Variants in GPR158 observed in about 807,000 individuals in gnomAD.
GPR158 encodes the protein G protein-coupled receptor 158.
Under a neutral mutation model 78.2 loss-of-function variants are expected in GPR158, and 30 were observed. The ratio of observed to expected loss-of-function variants is 0.38; its 90% CI spans 0.29 to 0.52. The LOEUF (loss-of-function observed/expected upper bound fraction) is 0.52, where lower values mean the gene tolerates loss of function less well. Ranked by LOEUF, GPR158 falls within the 20% of genes least tolerant of loss-of-function variation. The pLI, the probability that GPR158 is intolerant of heterozygous loss-of-function variation, is 0.83. For synonymous variants in GPR158, 581 were observed against 591.1 expected (o/e 0.98, Z 0.25); for missense variants, 1,463 against 1,523.5 (o/e 0.96, Z 0.66).
intron 2 of GPR158, among the ~76,000 whole-genome samples, chr10:25,277,113 C>G (rs1044026069): frequency 6.6e-6 from 1 of 151,866 alleles, no homozygotes; most frequent in South Asian, 2.1e-4. Flanking sequence ...CCATGCCTAT[C>G]CAATTTAAAA....
chr10:25,249,815 T>C (rs554090469), intron 2 of GPR158, among the ~76,000 whole-genome samples: 16 of 151,822 alleles, frequency 1.1e-4, no homozygotes, highest in African/African-American at 3.4e-4. Flanking sequence ...ATCAGAATGA[T>C]GCTGGCCTCA....
At chr10:25,356,759 G>T (rs1855560560) in intron 2 of GPR158, among the ~76,000 whole-genome samples, 1 of 151,982 alleles carries the variant, frequency 6.6e-6, no homozygotes, top group South Asian at 2.1e-4. Context: ...CCAGTCTCTG[G>T]TACATCTTAA....
Position 25,455,486 on chromosome 10 carries a change from T to G in GPR158, c.1336-11165T>G, listed in dbSNP as rs117055632. 3.8e-3 allele frequency among the ~76,000 whole-genome samples: 586 copies of G among 152,302 alleles called. 2 individuals are homozygous for G. The highest frequency in any genetic ancestry group is 7.2e-3 in the Non-Finnish European group (490 of 67,996). Reference sequence around the variant, plus strand: ...TCTGTATGTATTTAATTATTTCTCTTCTGTCTTTCGTGTCTTTCTGAGTTG... The same window carrying G: ...TCTGTATGTATTTAATTATTTCTCTGCTGTCTTTCGTGTCTTTCTGAGTTG... On this transcript the variant is annotated intron_variant, in intron 4 of 10. Coordinates refer to ENST00000376351, the MANE Select transcript of GPR158 (RefSeq NM_020752.3).
At chr10:25,539,805 T>G (rs897014878) in intron 5 of GPR158, among the ~76,000 whole-genome samples, 1 of 152,172 alleles carries the variant, frequency 6.6e-6, no homozygotes, top group African/African-American at 2.4e-5. Flanking sequence ...TAAAGCTGCA[T>G]TAGGTACTTT....
intron 2 of GPR158, among the ~76,000 whole-genome samples, chr10:25,312,949 A>C (rs765169537): frequency 2.6e-5 from 4 of 152,106 alleles, no homozygotes; most frequent in Non-Finnish European, 4.4e-5. Flanking sequence ...TAGAAAAAGC[A>C]ATAATATCAT....
At chr10:25,195,038 A>T (rs1016901155) in intron 1 of GPR158, among the ~76,000 whole-genome samples, 68 of 152,126 alleles carry the variant, frequency 4.5e-4, no homozygotes, top group African/African-American at 1.6e-3. Context: ...CAAATTTCAA[A>T]GTCCAGATCT....
chr10:25,553,681 A>G (rs1475739743), intron 6 of GPR158, among the ~76,000 whole-genome samples: 1 of 152,088 alleles, frequency 6.6e-6, no homozygotes, highest in Non-Finnish European at 1.5e-5. Context: ...TAGTGAATGG[A>G]GCTGCAAAGG....
chr10:25,342,775 C>A (rs1588811128), intron 2 of GPR158, among the ~76,000 whole-genome samples: 1 of 138,304 alleles, frequency 7.2e-6, no homozygotes, highest in Non-Finnish European at 1.6e-5. Context: ...GGACTAAGTT[C>A]TTTTTTTTTT....
At chr10:25,315,138 T>C (rs1854830359) in intron 2 of GPR158, among the ~76,000 whole-genome samples, 1 of 152,044 alleles carries the variant, frequency 6.6e-6, no homozygotes, top group South Asian at 2.1e-4. Context: ...TATATATCCA[T>C]AATTTGAAGC....
chr10:25,361,883 TTTTCATATATATGA>T (rs1320836594), intron 2 of GPR158, among the ~76,000 whole-genome samples: 1 of 151,966 alleles, frequency 6.6e-6, no homozygotes, highest in African/African-American at 2.4e-5. Flanking sequence ...TATTAACCCT[TTTTCATATATATGA>T]TTTGCAAATA....
chr10:25,459,017 C>A (rs1185587588), intron 4 of GPR158, among the ~76,000 whole-genome samples: 2 of 152,158 alleles, frequency 1.3e-5, no homozygotes, highest in Non-Finnish European at 2.9e-5. Context: ...TAACTACATG[C>A]AGTCTTTCAA....
intron 2 of GPR158, among the ~76,000 whole-genome samples, chr10:25,361,346 T>G (rs1590834): frequency 0.2 from 29,989 of 151,846 alleles, 3,880 homozygotes; most frequent in African/African-American, 0.37. Flanking sequence ...TTGATGGGTG[T>G]TTGGGTTACT....
At chr10:25,374,788 A>T (rs1327010994) in intron 2 of GPR158, among the ~76,000 whole-genome samples, 1 of 151,736 alleles carries the variant, frequency 6.6e-6, no homozygotes. Flanking sequence ...TGTTGGTTTA[A>T]CCTTTATTCA....
At chr10:25,513,102 A>C (rs75801820) in intron 5 of GPR158, among the ~76,000 whole-genome samples, 5,203 of 151,742 alleles carry the variant, frequency 0.034, 303 homozygotes, top group African/African-American at 0.12. Flanking sequence ...TGTCAATAGG[A>C]TCAATTGGTA....
intron 1 of GPR158, among the ~76,000 whole-genome samples, chr10:25,187,423 G>A (rs1370512916): frequency 6.6e-6 from 1 of 152,122 alleles, no homozygotes; most frequent in African/African-American, 2.4e-5. Context: ...ACATCAAAAA[G>A]CTTATCCACC....
intron 3 of GPR158, among the ~76,000 whole-genome samples, chr10:25,402,530 T>C (rs999159635): frequency 3.3e-5 from 5 of 152,076 alleles, no homozygotes; most frequent in Non-Finnish European, 5.9e-5. Flanking sequence ...ACATGCTAGC[T>C]GAAGTGTCTA....
intron 3 of GPR158, among the ~76,000 whole-genome samples, chr10:25,401,089 T>C (rs1834439452): frequency 6.6e-6 from 1 of 152,110 alleles, no homozygotes. Flanking sequence ...TTTGCTTGAG[T>C]CTCACACTCT....
At chr10:25,596,514 TATAGATAG>T (rs111466818) in intron 9 of GPR158, 121 bp from the exon 10 acceptor site, 1 of 628,458 alleles carries the variant, frequency 1.6e-6, no homozygotes, top group Non-Finnish European at 2.8e-6. Flanking sequence ...TATCTATATA[TATAGATAG>T]ATAGATAGAT....
intron 3 of GPR158, among the ~76,000 whole-genome samples, chr10:25,408,406 G>A (rs1834543029): frequency 6.6e-6 from 1 of 152,086 alleles, no homozygotes; most frequent in Non-Finnish European, 1.5e-5. Context: ...GTTTCTGATG[G>A]GAAGGTAAAT....
Sources: gnomAD v4.1 joint callset for allele counts (sites outside exome capture counted in the v4.1 genomes callset) on GRCh38, gnomAD v4.1.1 for gene constraint, MANE v1.5 for transcripts, NCBI Gene and HGNC (gene_info 2026-07-23, HGNC 2026-07-21) for gene names.